Variants in SEMA3D observed in about 807,000 individuals in gnomAD.
SEMA3D encodes the protein semaphorin 3D, also known as semaphorin-3D.
In SEMA3D, 84 loss-of-function variants were observed where a neutral mutation model predicts 100.1. The observed-to-expected ratio is 0.84, with a 90% confidence interval of 0.70 to 1.01. The LOEUF (loss-of-function observed/expected upper bound fraction) is 1.01. Among genes scored for constraint, SEMA3D ranks in the 50% least tolerant of loss-of-function variants. SEMA3D has a pLI of 0.00. For synonymous variants in SEMA3D, 312 were observed against 320.7 expected, an observed-to-expected ratio of 0.97 and a Z score of 0.29; for missense variants, 875 against 934.1, an observed-to-expected ratio of 0.94 and a Z score of 0.82.
chr7:85,212,207 C>G, the SEMA3D span, among the ~76,000 whole-genome samples: 1 of 149,786 alleles, frequency 6.7e-6, no homozygotes, highest in Admixed American at 6.6e-5. Context: ...TTTCTCTGTT[C>G]AGAAAATGTT....
At chr7:85,048,641 G>T (rs1175479986) in intron 9 of SEMA3D, among the ~76,000 whole-genome samples, 2 of 151,782 alleles carry the variant, frequency 1.3e-5, no homozygotes, top group African/African-American at 2.4e-5. Flanking sequence ...TAGCCTGTGG[G>T]TTTTCTTTTG....
intron 2 of SEMA3D, among the ~76,000 whole-genome samples, chr7:85,149,254 G>A (rs984528613): frequency 5.3e-5 from 8 of 151,554 alleles, no homozygotes; most frequent in South Asian, 2.1e-4. Context: ...AGACCAGCCT[G>A]GACAACATGG....
At chr7:85,210,747 T>A in the SEMA3D span, among the ~76,000 whole-genome samples, 1 of 152,016 alleles carries the variant, frequency 6.6e-6, no homozygotes, top group Non-Finnish European at 1.5e-5. Flanking sequence ...AATTCAAAGT[T>A]GCTATGTTAG....
rs907920762 is a variant in SEMA3D, at chr7:84,996,081, C to T, written c.*3359G>A. The stretch of plus-strand genomic sequence containing the variant: ...GTGACATTCTAAAGGGAGGCTATTT[C>T]AGTTTTGATTTCCATTTGTATTATA... On this transcript the variant is annotated 3_prime_UTR_variant, in exon 19 of 19. Coordinates refer to ENST00000284136, the MANE Select transcript of SEMA3D (RefSeq NM_001384900.1). 1 of 151,016 alleles carries T rather than the reference C, an allele frequency of 6.6e-6. No individual in the cohort carries two copies. Among genetic ancestry groups the T allele is most frequent in the Non-Finnish European group, 1.5e-5 (1 of 67,678 alleles). The allele number at this position is 151,016 out of a possible 1,614,324, so 9.4% of individuals were successfully genotyped here.
At chr7:85,202,313 G>GT in the SEMA3D span, among the ~76,000 whole-genome samples, 1 of 149,474 alleles carries the variant, frequency 6.7e-6, no homozygotes, top group African/African-American at 2.5e-5. Flanking sequence ...GAGGTGTTTG[G>GT]TTTTTTGTTC....
At chr7:85,056,049 G>A (rs1348008097) in intron 8 of SEMA3D, among the ~76,000 whole-genome samples, 190 bp from the exon 9 acceptor site, 2 of 151,986 alleles carry the variant, frequency 1.3e-5, no homozygotes, top group African/African-American at 2.4e-5. Context: ...AGCATAAAGA[G>A]GTACTGAACA....
chr7:85,048,034 T>C (rs1791057104), intron 9 of SEMA3D, among the ~76,000 whole-genome samples: 1 of 151,792 alleles, frequency 6.6e-6, no homozygotes, highest in African/African-American at 2.4e-5. Context: ...GTGATATAAA[T>C]ACTACAGTAT....
At chr7:85,111,930 T>A (rs542072486) in intron 3 of SEMA3D, among the ~76,000 whole-genome samples, 27 of 152,096 alleles carry the variant, frequency 1.8e-4, no homozygotes, top group Non-Finnish European at 3.7e-4. Flanking sequence ...TCCTGATATC[T>A]GCATGACTAG....
chr7:85,148,987 C>T (rs1324412874), intron 2 of SEMA3D, among the ~76,000 whole-genome samples: 1 of 151,656 alleles, frequency 6.6e-6, no homozygotes, highest in Non-Finnish European at 1.5e-5. Flanking sequence ...TTTTATTTTT[C>T]TAACATTTAC....
chr7:85,101,239 CA>C lies in SEMA3D; in HGVS notation c.152-3275del, dbSNP rs1313705646. Among the ~76,000 whole-genome samples, 3 of 152,062 alleles carry C rather than the reference CA, an allele frequency of 2.0e-5. No homozygotes were observed. The East Asian group carries it at 5.8e-4, about 30-fold the overall frequency. ...CTTATTTAACTAAGACTGAAATCAGCAAAATCAAAAATATGTAAAAGCATTC... is the reference window on the plus strand; with the variant it reads ...CTTATTTAACTAAGACTGAAATCAGCAAATCAAAAATATGTAAAAGCATTC... On this transcript the variant is annotated intron_variant, in intron 3 of 18. Coordinates refer to ENST00000284136, the MANE Select transcript of SEMA3D (RefSeq NM_001384900.1).
At chr7:85,241,672 G>A in the SEMA3D span, among the ~76,000 whole-genome samples, 1 of 150,960 alleles carries the variant, frequency 6.6e-6, no homozygotes, top group South Asian at 2.1e-4. Context: ...ACTCAGTGGG[G>A]AAAGGGTAGG....
chr7:85,027,559 A>G (rs1439558344), intron 12 of SEMA3D, among the ~76,000 whole-genome samples: 5 of 151,996 alleles, frequency 3.3e-5, no homozygotes, highest in Admixed American at 2.6e-4. Context: ...TTTACAGAAT[A>G]TTCTTAGTCA....
intron 2 of SEMA3D, among the ~76,000 whole-genome samples, chr7:85,151,118 C>G (rs998485333): frequency 5.3e-5 from 8 of 149,940 alleles, no homozygotes; most frequent in African/African-American, 2.0e-4. Flanking sequence ...ACACACACAC[C>G]GCACATATAT....
intron 1 of SEMA3D, among the ~76,000 whole-genome samples, chr7:85,179,650 T>A (rs1426383149): frequency 6.9e-6 from 1 of 144,190 alleles, no homozygotes; most frequent in Admixed American, 7.3e-5. Context: ...CAGATGAGAC[T>A]ATGGACTTGA....
intron 12 of SEMA3D, chr7:85,029,214 A>G (rs533025782): frequency 2.8e-6 from 2 of 714,126 alleles, no homozygotes; most frequent in African/African-American, 1.7e-5. Context: ...TGCTCATCAG[A>G]TTGAAGTCAC....
chr7:85,245,345 T>C, the SEMA3D span, among the ~76,000 whole-genome samples: 1 of 152,178 alleles, frequency 6.6e-6, no homozygotes, highest in Non-Finnish European at 1.5e-5. Context: ...AGAAAAATTC[T>C]TTACAGAATT....
the SEMA3D span, among the ~76,000 whole-genome samples, chr7:85,209,510 A>G: frequency 6.6e-6 from 1 of 151,976 alleles, no homozygotes; most frequent in Non-Finnish European, 1.5e-5. Context: ...ATGCATCACC[A>G]CTGATTAGAT....
intron 2 of SEMA3D, among the ~76,000 whole-genome samples, chr7:85,127,803 T>C (rs1789608170): frequency 6.6e-6 from 1 of 152,200 alleles, no homozygotes; most frequent in Non-Finnish European, 1.5e-5. Context: ...ATCAGATTAA[T>C]CGACAGCCCA....
chr7:85,000,922 C>T lies in SEMA3D; in HGVS notation c.1909-1057G>A, dbSNP rs548317508. ...AACAAAGAAGTTCTGGAAGATTTCC[C>T]AGTTTACACATCTGCCCCTGTATTG... is the stretch of plus-strand genomic sequence containing the variant. On this transcript the variant is annotated intron_variant, in intron 18 of 18. Coordinates refer to ENST00000284136, the MANE Select transcript of SEMA3D (RefSeq NM_001384900.1). Among the ~76,000 whole-genome samples, 8 of 152,240 alleles carry T rather than the reference C, an allele frequency of 5.3e-5. No individual in the cohort carries two copies. The South Asian group carries it at 1.7e-3, about 32-fold the overall frequency.
Sources: gnomAD v4.1 joint callset for allele counts (sites outside exome capture counted in the v4.1 genomes callset) on GRCh38, gnomAD v4.1.1 for gene constraint, MANE v1.5 for transcripts, NCBI Gene and HGNC (gene_info 2026-07-23, HGNC 2026-07-21) for gene names.